CNTN6: variants seen among roughly 807,000 people sequenced by gnomAD.
CNTN6 encodes the protein contactin-6.
In CNTN6, 137 loss-of-function variants were observed where a neutral mutation model predicts 122.8. That is an observed-to-expected ratio of 1.12 (90% CI 0.97 to 1.29). CNTN6 has a LOEUF of 1.29. Ranked by LOEUF, CNTN6 falls within the 50% of genes most tolerant of loss-of-function variation. The pLI is 0.00. For missense variants in CNTN6, 1,634 were observed against 1,223.4 expected (o/e 1.34, Z -5.01); for synonymous variants, 570 against 426.0 (o/e 1.34, Z -4.16).
intron 11 of CNTN6, among the ~76,000 whole-genome samples, chr3:1,348,279 C>T (rs1203068868): frequency 1.3e-5 from 2 of 151,708 alleles, no homozygotes; most frequent in Non-Finnish European, 2.9e-5. Flanking sequence ...AGTTTTTATC[C>T]ACTCTGCTAA....
At chr3:1,362,787 G>GTTA (rs1707654422) in intron 12 of CNTN6, among the ~76,000 whole-genome samples, 3 of 151,786 alleles carry the variant, frequency 2.0e-5, no homozygotes, top group African/African-American at 7.3e-5. Context: ...AACTGAAAAT[G>GTTA]ATAAGTATCC....
intron 2 of CNTN6, among the ~76,000 whole-genome samples, chr3:1,206,333 C>T (rs1485788916): frequency 1.3e-5 from 2 of 152,174 alleles, no homozygotes; most frequent in Non-Finnish European, 2.9e-5. Context: ...TTGCTTTCCA[C>T]CCCACATGCA....
chr3:1,297,878 A>G lies in CNTN6; in HGVS notation c.659-11A>G. The stretch of plus-strand genomic sequence containing the variant: ...TCCAGAAATGCTGCTAGCTCTTTTG[A>G]TATTTAACAGGTGTGATGGGGGAAT... On this transcript the variant is annotated splice_polypyrimidine_tract_variant and intron_variant, in intron 6 of 22. Coordinates refer to ENST00000446702, the MANE Select transcript of CNTN6 (RefSeq NM_001289080.2). 6.3e-7 allele frequency: 1 copy of G among 1,596,820 alleles called. No homozygotes were observed. The highest frequency in any genetic ancestry group is 1.1e-5 in the South Asian group (1 of 88,506).
chr3:1,251,808 T>A (rs207462928), intron 4 of CNTN6, among the ~76,000 whole-genome samples: 1 of 152,130 alleles, frequency 6.6e-6, no homozygotes, highest in Non-Finnish European at 1.5e-5. Context: ...CATCCTCACA[T>A]ACCTCAAACA....
chr3:1,247,431 T>A (rs1418923631), intron 4 of CNTN6, among the ~76,000 whole-genome samples: 1 of 150,280 alleles, frequency 6.7e-6, no homozygotes, highest in Non-Finnish European at 1.5e-5. Flanking sequence ...ATCTGATAGC[T>A]ATTAAAATAG....
At chr3:1,146,317 C>A (rs912542263) in intron 1 of CNTN6, among the ~76,000 whole-genome samples, 3 of 152,080 alleles carry the variant, frequency 2.0e-5, no homozygotes, top group Admixed American at 6.6e-5. Context: ...CGGACTTTCT[C>A]ATATCTTTGA....
intron 12 of CNTN6, among the ~76,000 whole-genome samples, chr3:1,365,583 T>C (rs115954249): frequency 1.2e-4 from 19 of 152,218 alleles, no homozygotes; most frequent in Non-Finnish European, 2.1e-4. Context: ...ACGAACACTG[T>C]ATGTATCAAG....
At chr3:1,342,508 T>A (rs947286007) in intron 11 of CNTN6, among the ~76,000 whole-genome samples, 1 of 152,178 alleles carries the variant, frequency 6.6e-6, no homozygotes, top group African/African-American at 2.4e-5. Context: ...ATGATGTCAC[T>A]TCATGTAGGT....
intron 20 of CNTN6, among the ~76,000 whole-genome samples, chr3:1,390,077 A>T (rs556220234): frequency 3.8e-4 from 58 of 152,134 alleles, no homozygotes; most frequent in Non-Finnish European, 6.8e-4. Flanking sequence ...ACATCTACAG[A>T]ACTCTCCACC....
intron 2 of CNTN6, among the ~76,000 whole-genome samples, chr3:1,184,623 A>G (rs965930969): frequency 6.6e-6 from 1 of 152,172 alleles, no homozygotes; most frequent in Non-Finnish European, 1.5e-5. Flanking sequence ...CTGAAGCCCA[A>G]ATTTGTTACT....
intron 1 of CNTN6, among the ~76,000 whole-genome samples, chr3:1,139,104 T>TA (rs1197346403): frequency 1.3e-5 from 2 of 152,120 alleles, no homozygotes; most frequent in East Asian, 1.9e-4. Flanking sequence ...AAGTTTTTAT[T>TA]AAAAAAACTG....
intron 2 of CNTN6, among the ~76,000 whole-genome samples, chr3:1,214,605 C>T (rs892402329): frequency 1.2e-4 from 19 of 152,126 alleles, no homozygotes; most frequent in Non-Finnish European, 2.2e-4. Context: ...CCACTGTGCC[C>T]GGCTCAGATG....
chr3:1,229,465 G>A (rs752820282), intron 4 of CNTN6, among the ~76,000 whole-genome samples: 2 of 151,906 alleles, frequency 1.3e-5, no homozygotes, highest in African/African-American at 4.8e-5. Flanking sequence ...CTATACCCTC[G>A]AGTTTCTCTA....
intron 2 of CNTN6, among the ~76,000 whole-genome samples, chr3:1,156,574 C>T (rs995327114): frequency 7.2e-5 from 11 of 152,098 alleles, no homozygotes; most frequent in South Asian, 2.1e-4. Flanking sequence ...AAGGAAGAAA[C>T]GATATTTGAG....
intron 2 of CNTN6, among the ~76,000 whole-genome samples, chr3:1,165,868 A>T (rs2093236627): frequency 6.6e-6 from 1 of 152,178 alleles, no homozygotes; most frequent in Admixed American, 6.6e-5. Context: ...CCTTTCTTCG[A>T]GCACTCCCCA....
chr3:1,294,472 A>G (rs781102968), intron 5 of CNTN6, among the ~76,000 whole-genome samples: 7 of 152,178 alleles, frequency 4.6e-5, no homozygotes, highest in Non-Finnish European at 1.0e-4. Context: ...AGACCTGGAA[A>G]TCTTCCTCAT....
At chr3:1,247,100 A>G (rs1006356272) in intron 4 of CNTN6, among the ~76,000 whole-genome samples, 5 of 152,132 alleles carry the variant, frequency 3.3e-5, no homozygotes, top group Non-Finnish European at 7.4e-5. Context: ...CCTTGCGATC[A>G]TATTTTCCTG....
intron 4 of CNTN6, among the ~76,000 whole-genome samples, chr3:1,261,961 C>G (rs936050424): frequency 6.6e-6 from 1 of 152,034 alleles, no homozygotes; most frequent in Non-Finnish European, 1.5e-5. Flanking sequence ...TTTAGTTGTT[C>G]TTGGTAAATT....
chr3:1,115,015 G>A (rs1285810339), intron 1 of CNTN6, among the ~76,000 whole-genome samples: 3 of 152,038 alleles, frequency 2.0e-5, no homozygotes, highest in Admixed American at 6.6e-5. Flanking sequence ...CTCAACCTAC[G>A]GGAGGTTGGA....
Sources: allele counts gnomAD v4.1 joint callset (sites outside exome capture counted in the v4.1 genomes callset), GRCh38; gene constraint gnomAD v4.1.1; transcripts MANE v1.5; gene names NCBI Gene and HGNC (gene_info 2026-07-23, HGNC 2026-07-21).